Variants in PARD3 observed in about 807,000 individuals in gnomAD.
PARD3 encodes par-3 family cell polarity regulator.
PARD3 carries 75 observed loss-of-function variants against 155.4 expected under a neutral mutation model. The ratio of observed to expected loss-of-function variants is 0.48; its 90% CI spans 0.40 to 0.58. The LOEUF is 0.58. Ranked by LOEUF, PARD3 falls within the 20% of genes least tolerant of loss-of-function variation. The pLI is 0.00. For synonymous variants in PARD3, 576 were observed against 610.5 expected, an observed-to-expected ratio of 0.94 and a Z score of 0.83; for missense variants, 1,642 against 1,721.7, an observed-to-expected ratio of 0.95 and a Z score of 0.82.
intron 22 of PARD3, among the ~76,000 whole-genome samples, chr10:34,183,293 T>C (rs931663469): frequency 4.6e-5 from 7 of 152,176 alleles, no homozygotes; most frequent in African/African-American, 1.7e-4. Flanking sequence ...AGCGGGGTGA[T>C]CACAGCTCAC....
chr10:34,692,612 C>T (rs985823048), intron 2 of PARD3, among the ~76,000 whole-genome samples: 20 of 152,308 alleles, frequency 1.3e-4, no homozygotes, highest in African/African-American at 4.1e-4. Flanking sequence ...TGGTGGCTTA[C>T]GCCTGTAATC....
chr10:34,560,955 G>A (rs756215920), intron 2 of PARD3, among the ~76,000 whole-genome samples: 4 of 152,116 alleles, frequency 2.6e-5, no homozygotes, highest in Non-Finnish European at 1.5e-5. Flanking sequence ...GGGCATGTGC[G>A]CAGGTGAGGA....
At chr10:34,700,632 T>G (rs2094257057) in intron 1 of PARD3, among the ~76,000 whole-genome samples, 1 of 152,240 alleles carries the variant, frequency 6.6e-6, no homozygotes, top group Admixed American at 6.5e-5. Context: ...TGCAAAGCAT[T>G]GCATGAAGGC....
intron 21 of PARD3, among the ~76,000 whole-genome samples, chr10:34,276,885 T>C (rs1955910147): frequency 6.6e-6 from 1 of 152,190 alleles, no homozygotes; most frequent in Non-Finnish European, 1.5e-5. Flanking sequence ...ATAGAAACTG[T>C]CTTTTAACGA....
intron 22 of PARD3, among the ~76,000 whole-genome samples, chr10:34,268,145 G>A (rs866205049): frequency 1.1e-4 from 9 of 79,208 alleles, no homozygotes; most frequent in African/African-American, 3.3e-4. Context: ...GGAAAAGATC[G>A]TTTAAAAATT....
chr10:34,585,225 C>CA, intron 2 of PARD3, among the ~76,000 whole-genome samples: 1 of 152,060 alleles, frequency 6.6e-6, no homozygotes, highest in Non-Finnish European at 1.5e-5. Context: ...AATAAGATTT[C>CA]AAAAAATCAC....
chr10:34,457,809 G>A (rs373069140), intron 4 of PARD3, among the ~76,000 whole-genome samples: 4 of 151,974 alleles, frequency 2.6e-5, no homozygotes, highest in Non-Finnish European at 4.4e-5. Flanking sequence ...CTATATTGCC[G>A]AGGCTGGTCT....
At chr10:34,732,714 T>C (rs942012214) in intron 1 of PARD3, among the ~76,000 whole-genome samples, 6 of 152,106 alleles carry the variant, frequency 3.9e-5, no homozygotes, top group African/African-American at 1.4e-4. Flanking sequence ...TAATAAATAA[T>C]TAGTAATTGA....
intron 18 of PARD3, among the ~76,000 whole-genome samples, chr10:34,332,299 C>T (rs1034670709): frequency 9.2e-5 from 14 of 152,064 alleles, no homozygotes; most frequent in African/African-American, 3.4e-4. Context: ...ACTGCCTGAC[C>T]TGATACTCAA....
intron 1 of PARD3, among the ~76,000 whole-genome samples, chr10:34,697,766 A>AACACACACACACAC (rs377094946): frequency 0.047 from 6,939 of 146,440 alleles, 254 homozygotes; most frequent in Admixed American, 0.067. Flanking sequence ...TTGTAAAACA[A>AACACACACACACAC]ACACTCACAC....
intron 22 of PARD3, among the ~76,000 whole-genome samples, chr10:34,155,640 A>G (rs1948970213): frequency 6.7e-6 from 1 of 150,032 alleles, no homozygotes; most frequent in Non-Finnish European, 1.5e-5. Context: ...TTCTTTCATC[A>G]TCTTCAGAAA....
chr10:34,723,533 GATC>G (rs2094643523), intron 1 of PARD3, among the ~76,000 whole-genome samples: 1 of 152,134 alleles, frequency 6.6e-6, no homozygotes. Context: ...CCTCTGATAA[GATC>G]ATAAACTTCT....
At chr10:34,437,614 A>C (rs1171370184) in intron 5 of PARD3, among the ~76,000 whole-genome samples, 1 of 152,168 alleles carries the variant, frequency 6.6e-6, no homozygotes, top group Admixed American at 6.5e-5. Context: ...TTAAATTAAC[A>C]GTATAATTTA....
At chr10:34,238,484 G>T (rs1224111944) in intron 22 of PARD3, among the ~76,000 whole-genome samples, 1 of 152,042 alleles carries the variant, frequency 6.6e-6, no homozygotes, top group Non-Finnish European at 1.5e-5. Context: ...TGTCAGTAGG[G>T]CTAACAAACT....
At chr10:34,263,649 T>C (rs1390441810) in intron 22 of PARD3, among the ~76,000 whole-genome samples, 1 of 151,858 alleles carries the variant, frequency 6.6e-6, no homozygotes, top group African/African-American at 2.4e-5. Flanking sequence ...AGACCCTGTT[T>C]CAAAGAAAAA....
chr10:34,318,974 T>G (rs575643173), intron 19 of PARD3, among the ~76,000 whole-genome samples: 47 of 151,252 alleles, frequency 3.1e-4, no homozygotes, highest in Middle Eastern at 3.5e-3. Flanking sequence ...AGTAGTAGAG[T>G]TTCACTATGT....
intron 1 of PARD3, among the ~76,000 whole-genome samples, chr10:34,761,476 T>C (rs1837432186): frequency 6.6e-6 from 1 of 152,190 alleles, no homozygotes; most frequent in Non-Finnish European, 1.5e-5. Context: ...CATATTCTGG[T>C]ATCTAGGCTA....
intron 2 of PARD3, among the ~76,000 whole-genome samples, chr10:34,537,336 A>G (rs2083294875): frequency 6.6e-6 from 1 of 152,220 alleles, no homozygotes; most frequent in South Asian, 2.1e-4. Context: ...AGACCTAGTC[A>G]ATTCTGAATT....
intron 5 of PARD3, among the ~76,000 whole-genome samples, chr10:34,442,230 C>T (rs1399040458): frequency 6.6e-6 from 1 of 152,132 alleles, no homozygotes; most frequent in Non-Finnish European, 1.5e-5. Flanking sequence ...AATTAACAAA[C>T]CCAAAAAACC....
Sources: allele counts gnomAD v4.1 joint callset (sites outside exome capture counted in the v4.1 genomes callset), GRCh38; gene constraint gnomAD v4.1.1; transcripts MANE v1.5; gene names NCBI Gene and HGNC (gene_info 2026-07-23, HGNC 2026-07-21).